MLLT3: variants seen among roughly 807,000 people sequenced by gnomAD.
MLLT3 encodes the protein protein AF-9.
Under a neutral mutation model 53.2 loss-of-function variants are expected in MLLT3, and 4 were observed. The observed-to-expected ratio is 0.08, with a 90% CI of 0.04 to 0.17. The LOEUF is 0.17. MLLT3 is among the 10% of genes least tolerant of loss of function. The probability of loss-of-function intolerance (pLI) is 1.00; values close to 1 mark genes in which losing one functional copy is unlikely to be tolerated. For missense variants in MLLT3, 569 were observed against 684.0 expected (o/e 0.83, Z 1.87); for synonymous variants, 283 against 230.6 (o/e 1.23, Z -2.06).
At chr9:20,434,814 C>T (rs1823363172) in intron 4 of MLLT3, among the ~76,000 whole-genome samples, 1 of 151,898 alleles carries the variant, frequency 6.6e-6, no homozygotes, top group South Asian at 2.1e-4. Flanking sequence ...AGTTCATCTC[C>T]TCTCAACTAA....
In MLLT3 at chr9:20,343,030, G is replaced by C. The variant is rs1001693789; in HGVS notation, c.*3413C>G. On this transcript the variant is annotated 3_prime_UTR_variant, in exon 11 of 11. Coordinates refer to ENST00000380338, the MANE Select transcript of MLLT3 (RefSeq NM_004529.4). Reference sequence around the variant, plus strand: ...ACTGGACATCCAACTCCATTAAGTAGGCAAAGTTAAAACATTTAAGAGTAA... The same window carrying C: ...ACTGGACATCCAACTCCATTAAGTACGCAAAGTTAAAACATTTAAGAGTAA... The C allele has an allele frequency of 1.1e-5, 2 of 186,836 alleles. No individual in the cohort carries two copies. Among genetic ancestry groups the C allele is most frequent in the Admixed American group, 6.2e-5 (1 of 16,004 alleles). 11.6% of individuals were successfully genotyped at this position (186,836 alleles called of 1,614,324 possible). A position where few individuals can be genotyped will look rare whatever the true frequency, so the allele number is the denominator to read the frequency against.
At chr9:20,587,656 T>C (rs1459207205) in intron 2 of MLLT3, among the ~76,000 whole-genome samples, 3 of 152,254 alleles carry the variant, frequency 2.0e-5, no homozygotes, top group Admixed American at 6.5e-5. Flanking sequence ...GAAGTGTCTG[T>C]TCATGTCCTT....
chr9:20,398,930 C>G (rs1822386844), intron 5 of MLLT3, among the ~76,000 whole-genome samples: 1 of 152,118 alleles, frequency 6.6e-6, no homozygotes, highest in Admixed American at 6.6e-5. Context: ...CAACTCTCTT[C>G]TCTTTCTGTT....
At chr9:20,377,964 A>G (rs1254174092) in intron 5 of MLLT3, among the ~76,000 whole-genome samples, 1 of 152,204 alleles carries the variant, frequency 6.6e-6, no homozygotes, top group Non-Finnish European at 1.5e-5. Context: ...CTTCCTCAAT[A>G]GAATTAGAAT....
chr9:20,360,276 C>G (rs1821280881), intron 8 of MLLT3, among the ~76,000 whole-genome samples: 1 of 152,164 alleles, frequency 6.6e-6, no homozygotes, highest in African/African-American at 2.4e-5. Flanking sequence ...TATTTGTCAT[C>G]TTCCCAATAA....
chr9:20,502,410 C>T (rs920047016), intron 2 of MLLT3: 4 of 152,526 alleles, frequency 2.6e-5, no homozygotes, highest in African/African-American at 7.2e-5. Flanking sequence ...TAGCTAGCCA[C>T]CAAGTATTTT....
chr9:20,390,721 A>G (rs1390004557), intron 5 of MLLT3, among the ~76,000 whole-genome samples: 3 of 152,266 alleles, frequency 2.0e-5, no homozygotes, highest in African/African-American at 7.2e-5. Context: ...AGGGAGCATT[A>G]AAGTTTCTTT....
At position 20,423,222 on chromosome 9, in the gene MLLT3, T is replaced by C. The variant is rs529659846; in HGVS notation, c.421-8797A>G. On this transcript the variant is annotated intron_variant, in intron 4 of 10. Coordinates refer to ENST00000380338, the MANE Select transcript of MLLT3 (RefSeq NM_004529.4). ...TTTATAGTCTTAACCACTACATTTT[T>C]ATTTACACTTGTAAAGTCAGTGGGT... 5.3e-5 allele frequency among the ~76,000 whole-genome samples: 8 copies of C among 152,284 alleles called. No homozygotes were observed. The South Asian group carries it at 8.3e-4, about 16-fold the overall frequency.
chr9:20,346,975 T>G (rs1169978926), intron 10 of MLLT3, among the ~76,000 whole-genome samples: 1 of 151,160 alleles, frequency 6.6e-6, no homozygotes, highest in Non-Finnish European at 1.5e-5. Flanking sequence ...CAAAACTACT[T>G]TTACTTAAGT....
intron 2 of MLLT3, among the ~76,000 whole-genome samples, chr9:20,529,936 C>T (rs1818289786): frequency 6.6e-6 from 1 of 152,118 alleles, no homozygotes; most frequent in African/African-American, 2.4e-5. Flanking sequence ...GATTCCTCTT[C>T]ATTCTTTCTG....
chr9:20,554,765 G>A (rs1819011722), intron 2 of MLLT3, among the ~76,000 whole-genome samples: 1 of 152,248 alleles, frequency 6.6e-6, no homozygotes. Flanking sequence ...AAGGCATCTT[G>A]TTTGTTCCGA....
chr9:20,503,441 G>C (rs1825298850), intron 2 of MLLT3, among the ~76,000 whole-genome samples: 2 of 152,136 alleles, frequency 1.3e-5, no homozygotes, highest in Non-Finnish European at 1.5e-5. Flanking sequence ...ATGCACAATG[G>C]GGAAAGCACA....
At chr9:20,446,668 T>A (rs78047586) in intron 4 of MLLT3, among the ~76,000 whole-genome samples, 1 of 152,114 alleles carries the variant, frequency 6.6e-6, no homozygotes, top group Admixed American at 6.6e-5. Context: ...TGAGATTGAT[T>A]AGGATTTTAA....
rs945693599 is a variant in MLLT3, at chr9:20,343,959, T to C, written c.*2484A>G. On this transcript the variant is annotated 3_prime_UTR_variant, in exon 11 of 11. Coordinates refer to ENST00000380338, the MANE Select transcript of MLLT3 (RefSeq NM_004529.4). ...TTTAAAAATTAGATGAGAGCAAGATTACCACTTCAAAAAAAATAACGTAAC... is the reference window on the plus strand; with the variant it reads ...TTTAAAAATTAGATGAGAGCAAGATCACCACTTCAAAAAAAATAACGTAAC... 4.9e-6 allele frequency: 1 copy of C among 203,642 alleles called. No individual in the cohort carries two copies. Among genetic ancestry groups the C allele is most frequent in the Non-Finnish European group, 1.0e-5 (1 of 99,410 alleles). The allele number at this position is 203,642 out of a possible 1,614,324, so 12.6% of individuals were successfully genotyped here. A position where few individuals can be genotyped will look rare whatever the true frequency, so the allele number is the denominator to read the frequency against.
intron 2 of MLLT3, among the ~76,000 whole-genome samples, chr9:20,525,210 T>C (rs1419894282): frequency 1.3e-5 from 2 of 149,776 alleles, no homozygotes; most frequent in Non-Finnish European, 3.0e-5. Flanking sequence ...GAAAGACAAA[T>C]TCAAGGCCGG....
At chr9:20,506,017 G>C (rs1424509168) in intron 2 of MLLT3, among the ~76,000 whole-genome samples, 1 of 151,968 alleles carries the variant, frequency 6.6e-6, no homozygotes, top group African/African-American at 2.4e-5. Flanking sequence ...ACAAGGGATA[G>C]TTGGTCACTG....
At chr9:20,466,345 A>C in intron 2 of MLLT3, among the ~76,000 whole-genome samples, 1 of 152,190 alleles carries the variant, frequency 6.6e-6, no homozygotes, top group Non-Finnish European at 1.5e-5. Flanking sequence ...CTTAACCTGC[A>C]CAGTGTTAGT....
intron 2 of MLLT3, among the ~76,000 whole-genome samples, chr9:20,550,287 T>C (rs1364636480): frequency 6.6e-6 from 1 of 152,180 alleles, no homozygotes; most frequent in East Asian, 1.9e-4. Flanking sequence ...AGGGGAAAAG[T>C]AAGGACCCAG....
chr9:20,478,720 G>A (rs1380011026), intron 2 of MLLT3, among the ~76,000 whole-genome samples: 1 of 152,096 alleles, frequency 6.6e-6, no homozygotes, highest in Non-Finnish European at 1.5e-5. Flanking sequence ...TATGACCCGG[G>A]GCAAGTCATT....
Sources: gnomAD v4.1 joint callset for allele counts (sites outside exome capture counted in the v4.1 genomes callset) on GRCh38, gnomAD v4.1.1 for gene constraint, MANE v1.5 for transcripts, NCBI Gene and HGNC (gene_info 2026-07-23, HGNC 2026-07-21) for gene names.